COG4: variants seen among roughly 807,000 people sequenced by gnomAD.
The protein encoded by COG4 is conserved oligomeric Golgi complex subunit 4.
In COG4, 65 loss-of-function variants were observed where a neutral mutation model predicts 95.1. That is an observed-to-expected ratio of 0.68 (90% CI 0.56 to 0.84). The LOEUF (loss-of-function observed/expected upper bound fraction) is 0.84, where lower values mean the gene tolerates loss of function less well. Ranked by LOEUF, COG4 falls within the 40% of genes least tolerant of loss-of-function variation. The probability of loss-of-function intolerance (pLI) is 0.00; values close to 1 mark genes in which losing one functional copy is unlikely to be tolerated. For synonymous variants in COG4, 421 were observed against 374.8 expected, an observed-to-expected ratio of 1.12 and a Z score of -1.42; for missense variants, 1,045 against 989.1, an observed-to-expected ratio of 1.06 and a Z score of -0.76.
intron 7 of COG4, chr16:70,509,017 G>GT: frequency 1.6e-6 from 1 of 624,652 alleles, no homozygotes. Context: ...TTTTATTTCC[G>GT]TTTTGGTCTT....
At chr16:70,523,218 A>C in intron 1 of COG4, 155 bp downstream of exon 1, 2 of 841,366 alleles carry the variant, frequency 2.4e-6, no homozygotes, top group South Asian at 2.9e-5. Context: ...AAGAGTTGAC[A>C]GGACTACTCA....
rs1452803835 is a variant in COG4 at position 70,512,270 on chromosome 16, A to C, written c.707T>G (p.Leu236Ter). The stretch of plus-strand genomic sequence containing the variant: ...GCAAAGGTACTCCGAGAACTTTCTT[A>C]ATCCCTCCTCATGCAAACCCAGCAG... ...FPLLGLHEEG[L>*]RKFSEYLCKQ... Residue 236 changes from leucine to a stop codon, truncating the protein, a stop_gained, in exon 5 of 19, where the codon TTA becomes TGA. Coordinates refer to ENST00000323786, the MANE Select transcript of COG4 (RefSeq NM_015386.3). LOFTEE classifies it high-confidence loss of function. 6.2e-7 allele frequency: 1 copy of C among 1,614,074 alleles called. No individual in the cohort carries two copies. The highest frequency in any genetic ancestry group is 8.5e-7 in the Non-Finnish European group (1 of 1,180,036).
intron 5 of COG4, among the ~76,000 whole-genome samples, chr16:70,511,786 G>T (rs752314311): frequency 5.9e-5 from 9 of 152,028 alleles, no homozygotes; most frequent in Non-Finnish European, 8.8e-5. Context: ...TACAAAATTA[G>T]CTGGGCGTGG....
At chr16:70,521,820 G>C (rs996170284) in intron 1 of COG4, among the ~76,000 whole-genome samples, 1 of 150,854 alleles carries the variant, frequency 6.6e-6, no homozygotes, top group African/African-American at 2.4e-5. Flanking sequence ...TCCTGCCTCA[G>C]CCTCCCGAGT....
At chr16:70,522,980 C>G (rs536910358) in intron 1 of COG4, 1 of 237,300 alleles carries the variant, frequency 4.2e-6, no homozygotes, top group East Asian at 1.1e-4. Flanking sequence ...AGGCTTCCCT[C>G]TTAAATAACA....
At chr16:70,506,606 A>C (rs1217710249) in intron 8 of COG4, among the ~76,000 whole-genome samples, 5 of 78,712 alleles carry the variant, frequency 6.4e-5, no homozygotes, top group Non-Finnish European at 9.4e-5. Context: ...AAAAAAAAAA[A>C]AAAAAAAAAA....
At chr16:70,485,582 T>G (rs1239702798) in intron 13 of COG4, among the ~76,000 whole-genome samples, 1 of 145,684 alleles carries the variant, frequency 6.9e-6, no homozygotes, top group Non-Finnish European at 1.5e-5. Context: ...AATCCTGTTT[T>G]TTTTGTTTTT....
At chr16:70,515,050 C>T (rs1371065733) in intron 3 of COG4, among the ~76,000 whole-genome samples, 2 of 149,412 alleles carry the variant, frequency 1.3e-5, no homozygotes, top group Non-Finnish European at 3.0e-5. Context: ...GAGTCTCACT[C>T]TGTTGCCCAG....
At chr16:70,517,601 A>AAC in intron 3 of COG4, 25 bp downstream of exon 3, 1 of 1,262,258 alleles carries the variant, frequency 7.9e-7, no homozygotes, top group East Asian at 2.4e-5. Context: ...AAAAAAAAAA[A>AAC]AAAAAAAAAA....
In COG4 at chr16:70,490,304, C is replaced by G. The variant is rs1454458903; in HGVS notation, c.1710+26G>C. The G allele has an allele frequency of 4.4e-6, 7 of 1,591,562 alleles. No individual in the cohort carries two copies. In the African/African-American group the frequency reaches 8.1e-5, roughly 18 times the overall value. On this transcript the variant is annotated intron_variant, in intron 13 of 18. Coordinates refer to ENST00000323786, the MANE Select transcript of COG4 (RefSeq NM_015386.3). ...CAACATGGGAAAAGATGGCTGCTGA[C>G]CACTGATAGGCAATTTCCCTCGTAC... is the stretch of plus-strand genomic sequence containing the variant.
intron 3 of COG4, among the ~76,000 whole-genome samples, chr16:70,517,204 G>A (rs770690364): frequency 3.3e-5 from 5 of 152,078 alleles, no homozygotes; most frequent in Non-Finnish European, 5.9e-5. Flanking sequence ...AAGCCCCATA[G>A]ACATTTTGAT....
chr16:70,506,627 A>AAAAAAAAAAAAAAAT (rs1405431900), intron 8 of COG4, among the ~76,000 whole-genome samples: 1 of 137,248 alleles, frequency 7.3e-6, no homozygotes, highest in Non-Finnish European at 1.5e-5. Context: ...ACAAAAAAAA[A>AAAAAAAAAAAAAAAT]AACATTTAGC....
At chr16:70,516,335 C>T (rs1183726823) in intron 3 of COG4, among the ~76,000 whole-genome samples, 5 of 149,190 alleles carry the variant, frequency 3.4e-5, no homozygotes, top group African/African-American at 1.0e-4. Flanking sequence ...ATCTCTCTGT[C>T]GCCCAGGCTG....
chr16:70,507,452 G>T (rs975892755), intron 8 of COG4, among the ~76,000 whole-genome samples: 13 of 152,066 alleles, frequency 8.5e-5, no homozygotes, highest in African/African-American at 2.2e-4. Context: ...TGCCATGCAG[G>T]TTTATACCCT....
chr16:70,496,081 T>C (rs1199795462), intron 12 of COG4, among the ~76,000 whole-genome samples, 185 bp downstream of exon 12: 1 of 152,198 alleles, frequency 6.6e-6, no homozygotes, highest in East Asian at 1.9e-4. Context: ...ACTCAGAATA[T>C]GTCCCTGAGT....
intron 8 of COG4, among the ~76,000 whole-genome samples, chr16:70,507,360 C>T (rs905016283): frequency 2.0e-5 from 3 of 151,964 alleles, no homozygotes; most frequent in Non-Finnish European, 4.4e-5. Context: ...TAATACTGTA[C>T]CTCTTCTATG....
At chr16:70,518,956 G>T (rs1245357275) in intron 2 of COG4, among the ~76,000 whole-genome samples, 3 of 148,194 alleles carry the variant, frequency 2.0e-5, no homozygotes, top group African/African-American at 7.5e-5. Context: ...CAGCCTGGGG[G>T]ACAAAAACGA....
At chr16:70,485,774 G>T (rs928389116) in intron 13 of COG4, among the ~76,000 whole-genome samples, 1 of 140,470 alleles carries the variant, frequency 7.1e-6, no homozygotes, top group Non-Finnish European at 1.6e-5. Flanking sequence ...TTGTAGAGAT[G>T]GGGTTTCACC....
chr16:70,521,376 C>T (rs2049938057), intron 1 of COG4, among the ~76,000 whole-genome samples: 1 of 152,102 alleles, frequency 6.6e-6, no homozygotes, highest in African/African-American at 2.4e-5. Context: ...CACCATCACA[C>T]CCGGCTAACT....
Sources: allele counts gnomAD v4.1 joint callset (sites outside exome capture counted in the v4.1 genomes callset), GRCh38; gene constraint gnomAD v4.1.1; transcripts MANE v1.5; gene names NCBI Gene and HGNC (gene_info 2026-07-23, HGNC 2026-07-21).